ADAMTS14: variants seen among roughly 807,000 people sequenced by gnomAD.
ADAMTS14 encodes the protein A disintegrin and metalloproteinase with thrombospondin motifs 14.
In ADAMTS14, 100 loss-of-function variants were observed where a neutral mutation model predicts 128.6. That is an observed-to-expected ratio of 0.78 (90% CI 0.66 to 0.92). The LOEUF (loss-of-function observed/expected upper bound fraction) is 0.92. Ranked by LOEUF, ADAMTS14 falls within the 40% of genes least tolerant of loss-of-function variation. The pLI, the probability that ADAMTS14 is intolerant of heterozygous loss-of-function variation, is 0.00. For missense variants in ADAMTS14, 1,562 were observed against 1,658.6 expected (o/e 0.94, Z 1.01); for synonymous variants, 665 against 653.8 (o/e 1.02, Z -0.26).
At chr10:70,679,553 C>T (rs1589255641) in intron 2 of ADAMTS14, among the ~76,000 whole-genome samples, 2 of 152,284 alleles carry the variant, frequency 1.3e-5, no homozygotes, top group South Asian at 4.1e-4. Flanking sequence ...GCTGCATGCT[C>T]ACTGTGCCCA....
intron 4 of ADAMTS14, among the ~76,000 whole-genome samples, chr10:70,723,971 A>G (rs74139894): frequency 0.017 from 2,608 of 152,216 alleles, 73 homozygotes; most frequent in African/African-American, 0.06. Context: ...CAAGTTACTT[A>G]CCCTCTCTGA....
Position 70,739,167 on chromosome 10 carries a change from C to T in ADAMTS14, c.1748+177C>T, listed in dbSNP as rs530210792. ...GGAGGCAGATCACTCCTACCTGCAT[C>T]CACTAAGAACCCTCAGGTCTGCCTT... On this transcript the variant is annotated intron_variant, in intron 11 of 21. Coordinates refer to ENST00000373207, the MANE Select transcript of ADAMTS14 (RefSeq NM_080722.4). 4.6e-5 allele frequency among the ~76,000 whole-genome samples: 7 copies of T among 152,220 alleles called. No individual in the cohort carries two copies. The South Asian group carries it at 6.2e-4, about 14-fold the overall frequency.
At chr10:70,717,206 T>C (rs1265624559) in intron 4 of ADAMTS14, among the ~76,000 whole-genome samples, 2 of 152,168 alleles carry the variant, frequency 1.3e-5, no homozygotes, top group South Asian at 4.1e-4. Flanking sequence ...GCCTTAGTCC[T>C]ATGGAATAAT....
intron 12 of ADAMTS14, among the ~76,000 whole-genome samples, chr10:70,742,416 T>G (rs1187655851): frequency 6.6e-6 from 1 of 151,760 alleles, no homozygotes; most frequent in Non-Finnish European, 1.5e-5. Context: ...GGGTTGGAGC[T>G]CCCCCAGACC....
chr10:70,675,905 T>A (rs916571523), intron 2 of ADAMTS14, among the ~76,000 whole-genome samples: 5 of 152,182 alleles, frequency 3.3e-5, no homozygotes, highest in Admixed American at 1.3e-4. Flanking sequence ...TCCTCTGCCC[T>A]TCAGCTTTGA....
chr10:70,689,182 GC>G (rs1564521947), intron 2 of ADAMTS14, among the ~76,000 whole-genome samples: 1 of 143,824 alleles, frequency 7.0e-6, no homozygotes, highest in Admixed American at 6.9e-5. Flanking sequence ...GGTAAAATAT[GC>G]CGTCCCCTAA....
chr10:70,704,953 C>T (rs1422209924), intron 3 of ADAMTS14, among the ~76,000 whole-genome samples: 1 of 151,986 alleles, frequency 6.6e-6, no homozygotes, highest in South Asian at 2.1e-4. Context: ...CCCCTCTATA[C>T]ACTCATACAC....
At position 70,761,004 on chromosome 10, in the gene ADAMTS14, A is replaced by T. The variant is rs894311439; in HGVS notation, c.*151A>T. 9 of 1,171,742 alleles carry T rather than the reference A, an allele frequency of 7.7e-6. No homozygotes were observed. Among genetic ancestry groups the T allele is most frequent in the African/African-American group, 1.5e-5 (1 of 64,784 alleles). 72.6% of individuals were successfully genotyped at this position (1,171,742 alleles called of 1,614,324 possible). ...CTCGTTTGGGGCTGTGATGCTCTTT[A>T]CCCCACAAAGCGGGGTGGGAGGAAG... On this transcript the variant is annotated 3_prime_UTR_variant, in exon 22 of 22. Transcript: ENST00000373207.
chr10:70,710,146 G>A (rs1193784022), intron 4 of ADAMTS14, among the ~76,000 whole-genome samples: 3 of 152,220 alleles, frequency 2.0e-5, no homozygotes, highest in African/African-American at 4.8e-5. Context: ...GCTCAGCATG[G>A]GACACTGTGC....
chr10:70,735,102 C>T (rs1841782783), intron 8 of ADAMTS14, 67 bp from the exon 9 acceptor site: 1 of 1,562,724 alleles, frequency 6.4e-7, no homozygotes, highest in Non-Finnish European at 8.7e-7. Flanking sequence ...AACCCCAGCC[C>T]CTGGGAAGGG....
chr10:70,686,153 G>C (rs1218867806), intron 2 of ADAMTS14, among the ~76,000 whole-genome samples: 1 of 152,188 alleles, frequency 6.6e-6, no homozygotes, highest in Admixed American at 6.5e-5. Context: ...TGGCTGATGG[G>C]GCAGTAGAAC....
chr10:70,703,564 G>A (rs1442006222), intron 3 of ADAMTS14, among the ~76,000 whole-genome samples: 5 of 152,328 alleles, frequency 3.3e-5, no homozygotes, highest in Admixed American at 6.5e-5. Context: ...GAGCACTGGC[G>A]TGGATTTCAG....
At chr10:70,709,128 C>T (rs1230218249) in intron 4 of ADAMTS14, among the ~76,000 whole-genome samples, 1 of 152,158 alleles carries the variant, frequency 6.6e-6, no homozygotes, top group Non-Finnish European at 1.5e-5. Context: ...TGGCCTGGAG[C>T]CTTGCTTGTG....
chr10:70,729,199 G>T, intron 4 of ADAMTS14, 95 bp from the exon 5 acceptor site: 4 of 1,042,042 alleles, frequency 3.8e-6, no homozygotes, highest in Non-Finnish European at 6.0e-6. Flanking sequence ...GGTCACGGTG[G>T]GGATACCATA....
chr10:70,675,885 G>T (rs1469395253), intron 2 of ADAMTS14, among the ~76,000 whole-genome samples: 1 of 152,214 alleles, frequency 6.6e-6, no homozygotes, highest in Non-Finnish European at 1.5e-5. Flanking sequence ...TCAAGAAGGG[G>T]CCCGCTTGCT....
chr10:70,681,661 G>A (rs1839807192), intron 2 of ADAMTS14, among the ~76,000 whole-genome samples: 1 of 152,234 alleles, frequency 6.6e-6, no homozygotes, highest in Non-Finnish European at 1.5e-5. Context: ...CTGGATGAGT[G>A]AGTAGGCGTC....
At chr10:70,731,233 A>G (rs1437556373) in intron 6 of ADAMTS14, among the ~76,000 whole-genome samples, 4 of 151,898 alleles carry the variant, frequency 2.6e-5, no homozygotes, top group African/African-American at 9.7e-5. Flanking sequence ...GCATACATGT[A>G]GAGACACAAA....
chr10:70,711,386 C>T (rs558693435), intron 4 of ADAMTS14, among the ~76,000 whole-genome samples: 14 of 152,188 alleles, frequency 9.2e-5, no homozygotes, highest in Non-Finnish European at 2.1e-4. Flanking sequence ...GATCACTACA[C>T]GTTAGAGAGG....
intron 4 of ADAMTS14, among the ~76,000 whole-genome samples, chr10:70,718,456 C>T (rs905267198): frequency 3.3e-5 from 5 of 150,516 alleles, no homozygotes; most frequent in South Asian, 2.1e-4. Context: ...GGTGCGATCT[C>T]GGCTCACTGC....
Sources: gnomAD v4.1 joint callset for allele counts (sites outside exome capture counted in the v4.1 genomes callset) on GRCh38, gnomAD v4.1.1 for gene constraint, MANE v1.5 for transcripts, NCBI Gene and HGNC (gene_info 2026-07-23, HGNC 2026-07-21) for gene names.